The following MAB21L4 variants were observed in gnomAD, a reference collection of about 807,000 sequenced individuals.
MAB21L4 encodes the protein mab-21 like 4, also known as protein mab-21-like 4.
In MAB21L4, 25 loss-of-function variants were observed where a neutral mutation model predicts 32.4. That is an observed-to-expected ratio of 0.77 (90% CI 0.56 to 1.08). The LOEUF is 1.08. Among genes scored for constraint, MAB21L4 ranks in the 50% least tolerant of loss-of-function variants. MAB21L4 has a pLI of 0.00. For synonymous variants in MAB21L4, 280 were observed against 276.8 expected (o/e 1.01, Z -0.11); for missense variants, 638 against 611.0 (o/e 1.04, Z -0.47).
chr2:240,886,926 G>C lies in MAB21L4; in HGVS notation c.*144C>G. On this transcript the variant is annotated 3_prime_UTR_variant, in exon 5 of 5. Transcript: ENST00000388934. ...CACCAGGCACTGAAAGACTCTCAGA[G>C]GCCACTGCTGGGGACAAAATCCCTC... is the stretch of plus-strand genomic sequence containing the variant. 1 of 617,692 alleles carries C rather than the reference G, an allele frequency of 1.6e-6. No individual in the cohort carries two copies. Among genetic ancestry groups the C allele is most frequent in the Non-Finnish European group, 2.8e-6 (1 of 355,288 alleles). 38.3% of individuals were successfully genotyped at this position (617,692 alleles called of 1,614,324 possible). A position where few individuals can be genotyped will look rare whatever the true frequency, so the allele number is the denominator to read the frequency against.
intron 1 of MAB21L4, 138 bp from the exon 2 acceptor site, chr2:240,891,901 G>A (rs1233697379): frequency 4.4e-6 from 7 of 1,573,908 alleles, no homozygotes; most frequent in African/African-American, 1.4e-5. Flanking sequence ...GCCCCCACCT[G>A]CAGGCTGCAG....
At chr2:240,889,200 C>T (rs975121210) in intron 3 of MAB21L4, among the ~76,000 whole-genome samples, 2 of 152,214 alleles carry the variant, frequency 1.3e-5, no homozygotes, top group Non-Finnish European at 2.9e-5. Flanking sequence ...TCTCCCATGG[C>T]CTCTCACCCT....
At chr2:240,892,957 C>A (rs933967386) in intron 1 of MAB21L4, among the ~76,000 whole-genome samples, 9 of 152,280 alleles carry the variant, frequency 5.9e-5, no homozygotes, top group East Asian at 1.9e-4. Flanking sequence ...CCTACCCCCC[C>A]AAAAACAAAT....
At position 240,890,111 on chromosome 2, in the gene MAB21L4, G is replaced by C. The variant is rs1255000649; in HGVS notation, c.788C>G (p.Ser263Cys). Residue 263 changes from serine to cysteine, a missense_variant, in exon 3 of 5, where the codon TCC becomes TGC. Ser to Cys is a moderately radical substitution (Grantham distance 112, BLOSUM62 -1). Coordinates refer to ENST00000388934, the MANE Select transcript of MAB21L4 (RefSeq NM_001085437.3). The part of the protein sequence containing the change: ...LLTRLLGELG[S>C]LQGHRLDSLS... ...GCTGTCCAGGCGATGACCCTGCAGG[G>C]AGCCCAGCTCCCCCAGCAGCCTCGT... The C allele has an allele frequency of 6.2e-7, 1 of 1,612,252 alleles. No homozygotes were observed. Among genetic ancestry groups the C allele is most frequent in the Admixed American group, 1.7e-5 (1 of 59,982 alleles).
intron 1 of MAB21L4, 67 bp downstream of exon 1, chr2:240,895,417 C>A (rs117274806): frequency 1.4e-6 from 2 of 1,417,978 alleles, no homozygotes; most frequent in African/African-American, 2.9e-5. Flanking sequence ...CACACTTGCA[C>A]ACAGACACCC....
upstream of MAB21L4, chr2:240,896,188 C>T: frequency 4.7e-6 from 6 of 1,289,228 alleles, no homozygotes; most frequent in Admixed American, 3.7e-5. Context: ...CTATTTAAGG[C>T]CTTTGAAGTG....
rs780169381 is a variant in MAB21L4, at chr2:240,888,453, C to T, written c.1090G>A (p.Gly364Ser). The change falls in exon 4 of 5, where the codon GGC becomes AGC. Residue 364 changes from glycine to serine, a missense_variant. Gly to Ser is a moderately conservative substitution (Grantham distance 56). Transcript: ENST00000388934. The stretch of plus-strand genomic sequence containing the variant: ...GCCGCCTCGGGCTGGCTGGCGAAGC[C>T]CTCCACGCGCTGGTAGATGGCACCA... ...DLGAIYQRVEGFASQPEAALR... is the reference protein window; with the variant it reads ...DLGAIYQRVESFASQPEAALR... 3.8e-6 allele frequency: 6 copies of T among 1,575,288 alleles called. No individual in the cohort carries two copies. The South Asian group carries it at 4.6e-5, about 12-fold the overall frequency.
Position 240,886,669 on chromosome 2 carries a change from T to A in MAB21L4, c.*401A>T, listed in dbSNP as rs921690196. 5 of 166,598 alleles carry A rather than the reference T, an allele frequency of 3.0e-5. No homozygotes were observed. Among genetic ancestry groups the A allele is most frequent in the Non-Finnish European group, 5.1e-5 (4 of 77,838 alleles). The allele number at this position is 166,598 out of a possible 1,614,324, so 10.3% of individuals were successfully genotyped here. ...TACAAAAAGTGGACAGTACCCTTTC[T>A]GCTGTGTATACCCAGCACATTCATT... is the stretch of plus-strand genomic sequence containing the variant. On this transcript the variant is annotated 3_prime_UTR_variant, in exon 5 of 5. Transcript: ENST00000388934.
chr2:240,889,018 C>A (rs6759908), intron 3 of MAB21L4, among the ~76,000 whole-genome samples: 1 of 151,724 alleles, frequency 6.6e-6, no homozygotes, highest in Non-Finnish European at 1.5e-5. Flanking sequence ...CCCCCTGCAG[C>A]CCAACCCAAC....
At chr2:240,892,754 A>C (rs1255158058) in intron 1 of MAB21L4, among the ~76,000 whole-genome samples, 1 of 152,144 alleles carries the variant, frequency 6.6e-6, no homozygotes, top group Non-Finnish European at 1.5e-5. Flanking sequence ...CCCCCACAGG[A>C]GGCACATTCT....
At chr2:240,890,470 G>C (rs115776709) in intron 2 of MAB21L4, among the ~76,000 whole-genome samples, 5 of 152,176 alleles carry the variant, frequency 3.3e-5, no homozygotes, top group Admixed American at 6.5e-5. Flanking sequence ...CAGCCCGGGG[G>C]TGTGACAGCT....
At position 240,888,514 on chromosome 2, in the gene MAB21L4, C is replaced by T. The variant is rs73108535; in HGVS notation, c.1029G>A (p.Pro343=). The change falls in exon 4 of 5, where the codon CCG becomes CCA. Residue 343 remains proline (P), a synonymous_variant. Transcript: ENST00000388934. Reference sequence around the variant, plus strand: ...CGCTGCCCTGCAGCAGGTTGCGCTGCGGGTGGAGGAAGTGGGGCAGCTTCC... The same window carrying T: ...CGCTGCCCTGCAGCAGGTTGCGCTGTGGGTGGAGGAAGTGGGGCAGCTTCC... ...ATRKLPHFLH[P]QRNLLQGSGL... 7.1e-3 allele frequency: 11,487 copies of T among 1,607,360 alleles called. 712 individuals carry two copies. The African/African-American group carries it at 0.13, about 19-fold the overall frequency.
chr2:240,890,060 T>C lies in MAB21L4; in HGVS notation c.839A>G (p.His280Arg). ...CTGGCCACTGTCACGCCAGCTCTCG[T>C]GGTTGACCCGGTCGAGGATGGAGAG... Reference protein sequence around the residue: ...DSLSILDRVNHESWRDSGQTD... With the variant: ...DSLSILDRVNRESWRDSGQTD... Residue 280 changes from histidine (H) to arginine (R), a missense_variant, in exon 3 of 5, where the codon CAC becomes CGC. His to Arg is a conservative substitution (Grantham distance 29, BLOSUM62 0). Coordinates refer to ENST00000388934, the MANE Select transcript of MAB21L4 (RefSeq NM_001085437.3). 1 of 1,613,420 alleles carries C rather than the reference T, an allele frequency of 6.2e-7. No individual in the cohort carries two copies. Among genetic ancestry groups the C allele is most frequent in the Non-Finnish European group, 8.5e-7 (1 of 1,179,678 alleles).
At position 240,895,509 on chromosome 2, in the gene MAB21L4, G is replaced by T; in HGVS notation, c.489C>A (p.Cys163Ter). 6.3e-7 allele frequency: 1 copy of T among 1,582,432 alleles called. No homozygotes were observed. The highest frequency in any genetic ancestry group is 1.1e-5 in the South Asian group (1 of 87,830). ...KDLLVAAIVH[C>*]KHHSLIAPGS... ...CTGGTGCGATGAGACTGTGGTGCTTGCAGTGTACGATGGCTGCTACCAGCA... is the reference window on the plus strand; with the variant it reads ...CTGGTGCGATGAGACTGTGGTGCTTTCAGTGTACGATGGCTGCTACCAGCA... The change falls in exon 1 of 5, where the codon TGC (cysteine) becomes TGA (stop). Residue 163 changes from cysteine to a stop codon, truncating the protein, a stop_gained. Transcript: ENST00000388934. LOFTEE classifies it high-confidence loss of function.
At chr2:240,893,559 C>T (rs368237487) in intron 1 of MAB21L4, among the ~76,000 whole-genome samples, 27 of 152,234 alleles carry the variant, frequency 1.8e-4, no homozygotes, top group Non-Finnish European at 3.5e-4. Context: ...GCCACAGCCC[C>T]GGGCTGGTCT....
chr2:240,891,987 G>T (rs1198598496), intron 1 of MAB21L4: 1 of 1,532,202 alleles, frequency 6.5e-7, no homozygotes, highest in Non-Finnish European at 8.8e-7. Context: ...CCTGCCCAAT[G>T]GTGACAGTCC....
At chr2:240,890,252 G>T in intron 2 of MAB21L4, 94 bp from the exon 3 acceptor site, 2 of 1,452,342 alleles carry the variant, frequency 1.4e-6, no homozygotes, top group Non-Finnish European at 1.8e-6. Context: ...GCCCTGGCCA[G>T]GGTCGTGCTG....
At chr2:240,896,704 A>G (rs2059189293), upstream of MAB21L4, 1 of 152,566 alleles carries the variant, frequency 6.6e-6, no homozygotes, top group African/African-American at 2.4e-5. Flanking sequence ...CCTCTGCCCC[A>G]GCTGTGCATC....
At chr2:240,892,360 C>T (rs1232365089) in intron 1 of MAB21L4, among the ~76,000 whole-genome samples, 1 of 151,858 alleles carries the variant, frequency 6.6e-6, no homozygotes, top group East Asian at 1.9e-4. Flanking sequence ...CCCCCTGCCC[C>T]CTGCCCCTGC....
Sources: gnomAD v4.1 joint callset for allele counts (sites outside exome capture counted in the v4.1 genomes callset) on GRCh38, gnomAD v4.1.1 for gene constraint, MANE v1.5 for transcripts, NCBI Gene and HGNC (gene_info 2026-07-23, HGNC 2026-07-21) for gene names.